The following SERGEF variants were observed in gnomAD, a reference collection of about 807,000 sequenced individuals.
The protein encoded by SERGEF is secretion-regulating guanine nucleotide exchange factor.
SERGEF carries 51 observed loss-of-function variants against 50.0 expected under a neutral mutation model. That is an observed-to-expected ratio of 1.02 (90% CI 0.81 to 1.29). The LOEUF is 1.29. Ranked by LOEUF, SERGEF falls within the 50% of genes most tolerant of loss-of-function variation. SERGEF has a pLI of 0.00. For synonymous variants in SERGEF, 205 were observed against 212.4 expected (o/e 0.97, Z 0.30); for missense variants, 521 against 557.0 (o/e 0.94, Z 0.65).
chr11:17,974,621 G>A (rs1853328444), intron 8 of SERGEF, among the ~76,000 whole-genome samples: 1 of 152,214 alleles, frequency 6.6e-6, no homozygotes, highest in Non-Finnish European at 1.5e-5. Flanking sequence ...AGGGGTCCTA[G>A]ACAAGGGACC....
intron 9 of SERGEF, among the ~76,000 whole-genome samples, chr11:17,935,675 C>T (rs771051998): frequency 1.3e-5 from 2 of 152,036 alleles, no homozygotes; most frequent in Non-Finnish European, 2.9e-5. Context: ...AAGCCTTATT[C>T]CTAATTCAGG....
chr11:17,862,426 T>A (rs924339574), intron 10 of SERGEF, among the ~76,000 whole-genome samples: 4 of 152,210 alleles, frequency 2.6e-5, no homozygotes, highest in African/African-American at 9.7e-5. Flanking sequence ...CAGCAGCTTG[T>A]CTAGTACTCA....
intron 10 of SERGEF, among the ~76,000 whole-genome samples, chr11:17,833,343 G>A (rs1850345522): frequency 6.6e-6 from 1 of 152,204 alleles, no homozygotes; most frequent in African/African-American, 2.4e-5. Context: ...ACTGGGGTTT[G>A]GGAACCTTCG....
At chr11:17,821,493 C>T (rs1487719356) in intron 10 of SERGEF, among the ~76,000 whole-genome samples, 13 of 152,264 alleles carry the variant, frequency 8.5e-5, no homozygotes, top group Admixed American at 3.3e-4. Flanking sequence ...ACCAGGTAGA[C>T]GGTAGGTGCT....
chr11:17,930,450 A>G (rs990890514), intron 9 of SERGEF, among the ~76,000 whole-genome samples: 7 of 152,138 alleles, frequency 4.6e-5, no homozygotes, highest in African/African-American at 1.7e-4. Context: ...AGTGTGTCTG[A>G]CCAAGGTACA....
intron 9 of SERGEF, among the ~76,000 whole-genome samples, chr11:17,941,384 ATC>A (rs1272561388): frequency 6.6e-6 from 1 of 152,190 alleles, no homozygotes; most frequent in Non-Finnish European, 1.5e-5. Context: ...ATCATACAGT[ATC>A]TGTCTTTTTG....
chr11:17,884,061 G>C lies in SERGEF; in HGVS notation c.1012-5817C>G, dbSNP rs1003313998. Among the ~76,000 whole-genome samples, 2 of 152,162 alleles carry C rather than the reference G, an allele frequency of 1.3e-5. No homozygotes were observed. The highest frequency in any genetic ancestry group is 2.1e-4 in the South Asian group (1 of 4,826). On this transcript the variant is annotated intron_variant, in intron 9 of 10. Transcript: ENST00000265965. This position sits in a 1 kb window ranked among gnomAD's most constrained non-coding sequence, Gnocchi z 4.6. ...AGGCCAGCCCCACGCCACCAGCCAG[G>C]GGCCGCTTTCCTCTACCAGAGAGGG...
chr11:18,000,630 T>C, intron 4 of SERGEF, 73 bp from the exon 5 acceptor site: 1 of 1,040,516 alleles, frequency 9.6e-7, no homozygotes, highest in Non-Finnish European at 1.5e-6. Flanking sequence ...TTATACCAAA[T>C]ACAATGCAGT....
intron 9 of SERGEF, among the ~76,000 whole-genome samples, chr11:17,946,103 T>C (rs896430477): frequency 6.6e-5 from 10 of 152,228 alleles, no homozygotes; most frequent in African/African-American, 2.2e-4. Flanking sequence ...TTGGAACTGC[T>C]TCTCATTATA....
chr11:17,844,067 C>T (rs1850556430), intron 10 of SERGEF, among the ~76,000 whole-genome samples: 2 of 152,090 alleles, frequency 1.3e-5, no homozygotes, highest in Non-Finnish European at 2.9e-5. Context: ...TAGAATAGTC[C>T]AGGTGACTAA....
At chr11:17,899,232 T>C (rs1256943008) in intron 9 of SERGEF, among the ~76,000 whole-genome samples, 1 of 152,228 alleles carries the variant, frequency 6.6e-6, no homozygotes, top group Non-Finnish European at 1.5e-5. Flanking sequence ...CAGGGCACTT[T>C]AAAATCACTG....
At chr11:17,901,723 C>G (rs1264244594) in intron 9 of SERGEF, among the ~76,000 whole-genome samples, 1 of 152,182 alleles carries the variant, frequency 6.6e-6, no homozygotes, top group African/African-American at 2.4e-5. Flanking sequence ...GAAATTTCAT[C>G]ATGCTCAGAA....
intron 10 of SERGEF, among the ~76,000 whole-genome samples, chr11:17,804,574 T>C (rs527847663): frequency 6.6e-6 from 1 of 152,376 alleles, no homozygotes; most frequent in African/African-American, 2.4e-5. Flanking sequence ...CCACTATTAC[T>C]TAATCTCTCT....
chr11:17,877,551 G>C (rs1851260611), intron 10 of SERGEF, among the ~76,000 whole-genome samples: 1 of 152,188 alleles, frequency 6.6e-6, no homozygotes, highest in African/African-American at 2.4e-5. Context: ...CTAGTAAGTA[G>C]AAGTCTGTAC....
chr11:17,958,822 C>A (rs1852930468), intron 9 of SERGEF, among the ~76,000 whole-genome samples: 1 of 152,150 alleles, frequency 6.6e-6, no homozygotes, highest in Non-Finnish European at 1.5e-5. Context: ...TCCTCCAAAG[C>A]ACAGATCAGA....
chr11:17,985,286 G>A (rs1590233821), intron 8 of SERGEF, among the ~76,000 whole-genome samples: 3 of 152,148 alleles, frequency 2.0e-5, no homozygotes, highest in Non-Finnish European at 4.4e-5. Flanking sequence ...TCACAGATTC[G>A]TTCATTTGAA....
At chr11:17,967,092 C>T (rs535340857) in intron 8 of SERGEF, among the ~76,000 whole-genome samples, 4 of 152,162 alleles carry the variant, frequency 2.6e-5, no homozygotes, top group Non-Finnish European at 4.4e-5. Flanking sequence ...ATGGATTATC[C>T]CTTTTAATCC....
chr11:17,830,602 GAGA>G (rs1850280015), intron 10 of SERGEF, among the ~76,000 whole-genome samples: 9 of 37,570 alleles, frequency 2.4e-4, no homozygotes, highest in African/African-American at 6.2e-4. Flanking sequence ...GAGAGAGGTG[GAGA>G]GAGAGAGAGA....
At chr11:17,791,772 C>T (rs1301932640) in intron 10 of SERGEF, among the ~76,000 whole-genome samples, 1 of 152,150 alleles carries the variant, frequency 6.6e-6, no homozygotes, top group Admixed American at 6.5e-5. Flanking sequence ...GAGTTGTTTA[C>T]AAGGGTTAAA....
Sources: allele counts gnomAD v4.1 joint callset (sites outside exome capture counted in the v4.1 genomes callset), GRCh38; gene constraint gnomAD v4.1.1; non-coding constraint Gnocchi (gnomAD v3.1); transcripts MANE v1.5; gene names NCBI Gene and HGNC (gene_info 2026-07-23, HGNC 2026-07-21).